The following DPH6 variants were observed in gnomAD, a reference collection of about 807,000 sequenced individuals.
The protein encoded by DPH6 is diphthamine biosynthesis 6.
Under a neutral mutation model 38.2 loss-of-function variants are expected in DPH6, and 33 were observed. That is an observed-to-expected ratio of 0.86 (90% confidence interval 0.65 to 1.15). The LOEUF (loss-of-function observed/expected upper bound fraction) is 1.15, where lower values mean the gene tolerates loss of function less well. DPH6 is among the 50% of genes most tolerant of loss of function. The pLI, the probability that DPH6 is intolerant of heterozygous loss-of-function variation, is 0.00. For synonymous variants in DPH6, 108 were observed against 103.0 expected, an observed-to-expected ratio of 1.05 and a Z score of -0.30; for missense variants, 325 against 320.0, an observed-to-expected ratio of 1.02 and a Z score of -0.12.
At chr15:35,171,093 A>G in the DPH6 span, among the ~76,000 whole-genome samples, 2 of 152,236 alleles carry the variant, frequency 1.3e-5, no homozygotes, top group Non-Finnish European at 2.9e-5. Context: ...AGAAGGTGAC[A>G]TTCATTGTAA....
intron 3 of DPH6, among the ~76,000 whole-genome samples, chr15:35,465,417 C>T (rs1405089293): frequency 2.0e-5 from 3 of 152,166 alleles, no homozygotes; most frequent in South Asian, 2.1e-4. Context: ...ATGCCAACGA[C>T]GTTCTAGGGC....
chr15:35,299,959 C>T (rs989381302), intron 3 of DPH6, among the ~76,000 whole-genome samples: 2 of 152,136 alleles, frequency 1.3e-5, no homozygotes, highest in African/African-American at 2.4e-5. Context: ...GCTGGATAGC[C>T]GATTTAACAC....
intron 3 of DPH6, among the ~76,000 whole-genome samples, chr15:35,362,188 G>C (rs530348567): frequency 2.0e-5 from 3 of 152,140 alleles, no homozygotes; most frequent in African/African-American, 7.2e-5. Flanking sequence ...CACAAGGAGA[G>C]AAGTTTTCCA....
chr15:35,281,100 C>T (rs2051896236), intron 3 of DPH6, among the ~76,000 whole-genome samples: 1 of 151,822 alleles, frequency 6.6e-6, no homozygotes, highest in Non-Finnish European at 1.5e-5. Context: ...GCTATCTCTC[C>T]CCCCTCCCCC....
intron 3 of DPH6, among the ~76,000 whole-genome samples, chr15:35,467,869 C>T (rs2054147877): frequency 1.3e-5 from 2 of 152,154 alleles, no homozygotes; most frequent in South Asian, 4.2e-4. Flanking sequence ...AGTATCACCA[C>T]AAACACATGA....
At chr15:35,399,227 C>T (rs536001003) in intron 6 of DPH6, among the ~76,000 whole-genome samples, 7 of 152,084 alleles carry the variant, frequency 4.6e-5, no homozygotes, top group East Asian at 3.9e-4. Context: ...GAATATATTA[C>T]ATTAAGGATG....
At chr15:35,228,296 T>G (rs1388563516) in intron 3 of DPH6, among the ~76,000 whole-genome samples, 1 of 152,214 alleles carries the variant, frequency 6.6e-6, no homozygotes, top group African/African-American at 2.4e-5. Context: ...CTTGAAAAGT[T>G]GTTGTAGTCA....
intron 3 of DPH6, among the ~76,000 whole-genome samples, chr15:35,528,502 A>G (rs2055038707): frequency 6.6e-6 from 1 of 152,144 alleles, no homozygotes; most frequent in Non-Finnish European, 1.5e-5. Flanking sequence ...ATCAAGTCCA[A>G]TCAATCTCTC....
chr15:35,525,626 A>G (rs1024876160), intron 3 of DPH6, among the ~76,000 whole-genome samples: 1 of 152,108 alleles, frequency 6.6e-6, no homozygotes, highest in African/African-American at 2.4e-5. Flanking sequence ...TAGTAAGACT[A>G]TGACAAAAAT....
intron 3 of DPH6, among the ~76,000 whole-genome samples, chr15:35,318,379 T>C (rs1468066410): frequency 6.6e-6 from 1 of 152,058 alleles, no homozygotes; most frequent in African/African-American, 2.4e-5. Flanking sequence ...AACAAATCCA[T>C]ACAACCACCT....
chr15:35,466,855 T>C (rs1273347874), intron 3 of DPH6, among the ~76,000 whole-genome samples: 2 of 152,134 alleles, frequency 1.3e-5, no homozygotes, highest in Non-Finnish European at 2.9e-5. Flanking sequence ...ATAGAAAAAG[T>C]ACAGTAAAAA....
chr15:35,474,752 C>T (rs2054244151), intron 3 of DPH6, among the ~76,000 whole-genome samples: 1 of 152,070 alleles, frequency 6.6e-6, no homozygotes, highest in African/African-American at 2.4e-5. Context: ...CCCACAACTG[C>T]TCTGAAAAGT....
intron 3 of DPH6, among the ~76,000 whole-genome samples, chr15:35,496,567 A>AAAAAAAAAATAT: frequency 3.2e-5 from 1 of 31,016 alleles, no homozygotes; most frequent in African/African-American, 1.4e-4. Flanking sequence ...AAAAAAAAAA[A>AAAAAAAAAATAT]ATATATATAT....
chr15:35,510,311 C>T (rs1566935555), intron 3 of DPH6, among the ~76,000 whole-genome samples: 1 of 152,196 alleles, frequency 6.6e-6, no homozygotes, highest in African/African-American at 2.4e-5. Flanking sequence ...CGTATCATCT[C>T]CTTTCTGAAA....
At chr15:35,228,448 G>A (rs1221857756) in intron 3 of DPH6, among the ~76,000 whole-genome samples, 1 of 151,896 alleles carries the variant, frequency 6.6e-6, no homozygotes, top group Admixed American at 6.6e-5. Flanking sequence ...GTTTTGTTTG[G>A]AGACAGTGTG....
chr15:35,259,442 G>A (rs1381459849), intron 3 of DPH6, among the ~76,000 whole-genome samples: 4 of 152,154 alleles, frequency 2.6e-5, no homozygotes, highest in Non-Finnish European at 5.9e-5. Context: ...ATGCATTCCT[G>A]TAATTACTAA....
intron 3 of DPH6, among the ~76,000 whole-genome samples, chr15:35,475,958 A>C (rs1187427179): frequency 6.6e-6 from 1 of 151,882 alleles, no homozygotes; most frequent in Admixed American, 6.6e-5. Context: ...AGTAAATGAA[A>C]AGAACAAAAA....
chr15:35,479,792 C>T (rs2054305221), intron 3 of DPH6, among the ~76,000 whole-genome samples: 2 of 151,996 alleles, frequency 1.3e-5, no homozygotes, highest in African/African-American at 2.4e-5. Context: ...CAAATCTATG[C>T]AAGACTGTTA....
chr15:35,504,132 T>C (rs2054663667), intron 3 of DPH6, among the ~76,000 whole-genome samples: 1 of 152,026 alleles, frequency 6.6e-6, no homozygotes, highest in Admixed American at 6.6e-5. Flanking sequence ...AATACAAATC[T>C]ATCCATTTTG....
Sources: allele counts gnomAD v4.1 joint callset (sites outside exome capture counted in the v4.1 genomes callset), GRCh38; gene constraint gnomAD v4.1.1; transcripts MANE v1.5; gene names NCBI Gene and HGNC (gene_info 2026-07-23, HGNC 2026-07-21).